SLC24A3: variants seen among roughly 807,000 people sequenced by gnomAD.
SLC24A3 encodes sodium/potassium/calcium exchanger 3.
In SLC24A3, 28 loss-of-function variants were observed where a neutral mutation model predicts 75.8. That is an observed-to-expected ratio of 0.37 (90% CI 0.27 to 0.51). The LOEUF (loss-of-function observed/expected upper bound fraction) is 0.51. Among genes scored for constraint, SLC24A3 ranks in the 20% least tolerant of loss-of-function variants. The probability of loss-of-function intolerance (pLI) is 0.94; values close to 1 mark genes in which losing one functional copy is unlikely to be tolerated. For missense variants in SLC24A3, 663 were observed against 847.8 expected (o/e 0.78, Z 2.71); for synonymous variants, 372 against 334.1 (o/e 1.11, Z -1.24).
chr20:19,613,986 T>C (rs1241205912), intron 6 of SLC24A3, among the ~76,000 whole-genome samples: 1 of 152,248 alleles, frequency 6.6e-6, no homozygotes, highest in Non-Finnish European at 1.5e-5. Flanking sequence ...GTTGACATCC[T>C]TTTAAATCTT....
chr20:19,330,772 C>G (rs184170679), intron 2 of SLC24A3, among the ~76,000 whole-genome samples: 46 of 152,304 alleles, frequency 3.0e-4, no homozygotes, highest in South Asian at 1.0e-3. Flanking sequence ...GCATGGTCTT[C>G]AAATGCCTCT....
At chr20:19,544,630 C>T (rs1640478293) in intron 3 of SLC24A3, among the ~76,000 whole-genome samples, 1 of 151,854 alleles carries the variant, frequency 6.6e-6, no homozygotes, top group Non-Finnish European at 1.5e-5. Context: ...TTTAGCAAAG[C>T]ACAATAAGAA....
rs932347822 is a variant in SLC24A3, at chr20:19,534,511, C to T, written c.348+18947C>T. Among the ~76,000 whole-genome samples, 8 of 151,794 alleles carry T rather than the reference C, an allele frequency of 5.3e-5. No homozygotes were observed. In the South Asian group the frequency reaches 6.2e-4, roughly 12 times the overall value. ...CTGCAACCTCTATCTCCCAGATTCACGTGATCTTCCTGCCTCAGCCTCCTG... is the reference window on the plus strand; with the variant it reads ...CTGCAACCTCTATCTCCCAGATTCATGTGATCTTCCTGCCTCAGCCTCCTG... On this transcript the variant is annotated intron_variant, in intron 3 of 16. Transcript: ENST00000328041.
intron 6 of SLC24A3, among the ~76,000 whole-genome samples, chr20:19,595,204 G>A (rs1410317163): frequency 6.6e-6 from 1 of 152,138 alleles, no homozygotes; most frequent in African/African-American, 2.4e-5. Flanking sequence ...TGTCTAAGCA[G>A]ACACATCACG....
intron 6 of SLC24A3, among the ~76,000 whole-genome samples, chr20:19,590,467 C>G (rs756765073): frequency 1.3e-5 from 2 of 152,144 alleles, no homozygotes; most frequent in Non-Finnish European, 2.9e-5. Context: ...AAACCACACA[C>G]CCATAGTGCT....
chr20:19,485,529 TG>T (rs2122523954), intron 2 of SLC24A3, among the ~76,000 whole-genome samples: 1 of 152,360 alleles, frequency 6.6e-6, no homozygotes, highest in Non-Finnish European at 1.5e-5. Context: ...GGCCAGGAGT[TG>T]GGCGACTGGG....
rs139611635 is a variant in SLC24A3 at position 19,501,093 on chromosome 20, C to A, written c.272-14395C>A. On this transcript the variant is annotated intron_variant, in intron 2 of 16. Coordinates refer to ENST00000328041, the MANE Select transcript of SLC24A3 (RefSeq NM_020689.4). The stretch of plus-strand genomic sequence containing the variant: ...TACATGGAAAGACAAAGATGACAAT[C>A]TTTGTGCCAATGACACAAACTCATA... 1.8e-3 allele frequency among the ~76,000 whole-genome samples: 276 copies of A among 152,298 alleles called. 1 individual carries two copies. The highest frequency in any genetic ancestry group is 6.3e-3 in the African/African-American group (262 of 41,574).
intron 1 of SLC24A3, among the ~76,000 whole-genome samples, chr20:19,268,343 G>A (rs1208123663): frequency 6.6e-6 from 1 of 152,028 alleles, no homozygotes; most frequent in Non-Finnish European, 1.5e-5. Flanking sequence ...TGATATAAAG[G>A]TTCCAATATT....
chr20:19,557,646 T>C (rs2030810715), intron 3 of SLC24A3, among the ~76,000 whole-genome samples: 1 of 152,210 alleles, frequency 6.6e-6, no homozygotes, highest in African/African-American at 2.4e-5. Context: ...TCAGTAAGAA[T>C]GCAGCACAGT....
intron 15 of SLC24A3, among the ~76,000 whole-genome samples, chr20:19,705,292 A>T (rs1272602523): frequency 6.6e-6 from 1 of 152,098 alleles, no homozygotes; most frequent in Non-Finnish European, 1.5e-5. Context: ...TTTCTGTCTG[A>T]TGGTTGGAGG....
intron 2 of SLC24A3, among the ~76,000 whole-genome samples, chr20:19,284,881 C>T (rs1025142446): frequency 4.6e-5 from 7 of 152,210 alleles, no homozygotes; most frequent in African/African-American, 1.7e-4. Context: ...TATCCCTTCC[C>T]TTGCACACAT....
intron 6 of SLC24A3, among the ~76,000 whole-genome samples, chr20:19,628,276 A>G (rs531141135): frequency 3.2e-4 from 49 of 152,202 alleles, no homozygotes; most frequent in African/African-American, 1.0e-3. Flanking sequence ...GAGAGCACTC[A>G]TATCACTGAT....
At chr20:19,655,196 C>T (rs1335802902) in intron 7 of SLC24A3, among the ~76,000 whole-genome samples, 1 of 152,158 alleles carries the variant, frequency 6.6e-6, no homozygotes. Flanking sequence ...CAGTTCATTG[C>T]GGGTCAGTGT....
intron 1 of SLC24A3, among the ~76,000 whole-genome samples, chr20:19,238,936 A>G (rs1399246100): frequency 4.0e-5 from 6 of 149,116 alleles, no homozygotes; most frequent in Non-Finnish European, 7.4e-5. Context: ...TTTTATTCCC[A>G]TCCCTCACCC....
intron 2 of SLC24A3, among the ~76,000 whole-genome samples, chr20:19,315,792 G>T (rs984012076): frequency 1.4e-5 from 2 of 147,394 alleles, no homozygotes; most frequent in Non-Finnish European, 3.1e-5. Flanking sequence ...GTACATAAAC[G>T]TAGGTGCTCC....
At chr20:19,292,920 G>A (rs6112293) in intron 2 of SLC24A3, among the ~76,000 whole-genome samples, 6,080 of 152,270 alleles carry the variant, frequency 0.04, 406 homozygotes, top group African/African-American at 0.14. Flanking sequence ...TGAGGAAGGG[G>A]CAAGGGAGCC....
chr20:19,449,051 G>A (rs1370312610), intron 2 of SLC24A3, among the ~76,000 whole-genome samples: 1 of 152,176 alleles, frequency 6.6e-6, no homozygotes, highest in Non-Finnish European at 1.5e-5. Context: ...TAATGAAGTG[G>A]GCAAGAAAAA....
At position 19,522,229 on chromosome 20, in the gene SLC24A3, C is replaced by G. The variant is rs528353788; in HGVS notation, c.348+6665C>G. 3.3e-3 allele frequency among the ~76,000 whole-genome samples: 501 copies of G among 152,272 alleles called. 7 individuals are homozygous for G. The highest frequency in any genetic ancestry group is 0.011 in the African/African-American group (467 of 41,534). On this transcript the variant is annotated intron_variant, in intron 3 of 16. Transcript: ENST00000328041. ...AGTATCTTCCCTTCCTCGTTTATGT[C>G]ATCAACTTGAAATCAAGAAGCAGAA...
At chr20:19,527,781 G>A (rs764894045) in intron 3 of SLC24A3, among the ~76,000 whole-genome samples, 5 of 152,124 alleles carry the variant, frequency 3.3e-5, no homozygotes, top group African/African-American at 4.8e-5. Context: ...CTAAACAAAC[G>A]TCATCATTAC....
Sources: gnomAD v4.1 joint callset for allele counts (sites outside exome capture counted in the v4.1 genomes callset) on GRCh38, gnomAD v4.1.1 for gene constraint, MANE v1.5 for transcripts, NCBI Gene and HGNC (gene_info 2026-07-23, HGNC 2026-07-21) for gene names.